The following EPHA6 variants were observed in gnomAD, a reference collection of about 807,000 sequenced individuals.
The protein encoded by EPHA6 is ephrin type-A receptor 6.
In EPHA6, 50 loss-of-function variants were observed where a neutral mutation model predicts 112.0. The ratio of observed to expected loss-of-function variants is 0.45; its 90% CI spans 0.36 to 0.56. The LOEUF is 0.56. Ranked by LOEUF, EPHA6 falls within the 20% of genes least tolerant of loss-of-function variation. The probability of loss-of-function intolerance (pLI) is 0.00; values close to 1 mark genes in which losing one functional copy is unlikely to be tolerated. For synonymous variants in EPHA6, 529 were observed against 490.7 expected (o/e 1.08, Z -1.03); for missense variants, 1,280 against 1,417.4 (o/e 0.90, Z 1.56).
At chr3:96,972,231 A>G (rs907423723) in intron 2 of EPHA6, among the ~76,000 whole-genome samples, 8 of 152,106 alleles carry the variant, frequency 5.3e-5, no homozygotes, top group African/African-American at 1.9e-4. Context: ...AAGAAAAACA[A>G]TAAAGAAAAA....
chr3:97,524,790 C>T (rs1337926397), intron 10 of EPHA6, among the ~76,000 whole-genome samples: 1 of 152,080 alleles, frequency 6.6e-6, no homozygotes, highest in Non-Finnish European at 1.5e-5. Flanking sequence ...TTCAATATGT[C>T]ATGCCACTCC....
chr3:97,524,510 A>G (rs934229763), intron 10 of EPHA6, among the ~76,000 whole-genome samples: 3 of 152,080 alleles, frequency 2.0e-5, no homozygotes, highest in African/African-American at 7.2e-5. Context: ...AGTGATTTAC[A>G]TAACCCCTTT....
chr3:97,029,402 G>A (rs2044749601), intron 3 of EPHA6, among the ~76,000 whole-genome samples: 1 of 151,722 alleles, frequency 6.6e-6, no homozygotes, highest in Non-Finnish European at 1.5e-5. Context: ...GAAGATAAAT[G>A]AGGAAAAGGC....
intron 15 of EPHA6, among the ~76,000 whole-genome samples, chr3:97,722,704 A>G (rs1213696942): frequency 2.0e-5 from 3 of 152,130 alleles, no homozygotes; most frequent in African/African-American, 7.2e-5. Flanking sequence ...GCAAGAGAAG[A>G]GGATAAGAGA....
intron 3 of EPHA6, among the ~76,000 whole-genome samples, chr3:97,088,149 C>A (rs1296214819): frequency 6.6e-6 from 1 of 151,988 alleles, no homozygotes. Context: ...CCACTACACT[C>A]CAGCCTGGTG....
At chr3:96,966,426 G>A (rs2042123051) in intron 2 of EPHA6, among the ~76,000 whole-genome samples, 1 of 151,940 alleles carries the variant, frequency 6.6e-6, no homozygotes, top group South Asian at 2.1e-4. Context: ...GCCAAGAGAC[G>A]ATGACTTAAT....
intron 12 of EPHA6, among the ~76,000 whole-genome samples, chr3:97,604,679 C>G (rs2093667719): frequency 6.6e-6 from 1 of 151,586 alleles, no homozygotes; most frequent in Non-Finnish European, 1.5e-5. Context: ...ATATTATTCT[C>G]ATTTTATAGA....
At chr3:97,283,522 A>C (rs1490960346) in intron 5 of EPHA6, among the ~76,000 whole-genome samples, 1 of 152,152 alleles carries the variant, frequency 6.6e-6, no homozygotes, top group Non-Finnish European at 1.5e-5. Context: ...TTATAATATT[A>C]AATGAAATGG....
At chr3:96,895,207 T>C (rs2038200783) in intron 2 of EPHA6, among the ~76,000 whole-genome samples, 1 of 152,170 alleles carries the variant, frequency 6.6e-6, no homozygotes, top group Admixed American at 6.5e-5. Flanking sequence ...GACAGTGATA[T>C]TGATGATCTT....
At chr3:97,731,440 C>A (rs1358182847) in intron 15 of EPHA6, among the ~76,000 whole-genome samples, 2 of 152,012 alleles carry the variant, frequency 1.3e-5, no homozygotes, top group Non-Finnish European at 2.9e-5. Flanking sequence ...ACAGTGAAAG[C>A]ACGGAGTATA....
intron 14 of EPHA6, among the ~76,000 whole-genome samples, chr3:97,693,339 A>G (rs142012166): frequency 6.6e-5 from 10 of 152,368 alleles, no homozygotes; most frequent in Admixed American, 4.6e-4. Flanking sequence ...ATATTTAAAT[A>G]AAACAGTTTT....
At chr3:97,483,563 T>C (rs2091616148) in intron 9 of EPHA6, among the ~76,000 whole-genome samples, 1 of 152,190 alleles carries the variant, frequency 6.6e-6, no homozygotes, top group Non-Finnish European at 1.5e-5. Flanking sequence ...CTAGTGGGCT[T>C]CCTTGCTTTG....
At chr3:97,746,266 A>T (rs992454774) in intron 16 of EPHA6, among the ~76,000 whole-genome samples, 9 of 151,682 alleles carry the variant, frequency 5.9e-5, no homozygotes, top group Admixed American at 1.3e-4. Flanking sequence ...CAAACACTAA[A>T]TTTTTTTTAA....
chr3:97,734,946 CAG>C (rs1276336081), intron 15 of EPHA6, among the ~76,000 whole-genome samples: 1 of 151,918 alleles, frequency 6.6e-6, no homozygotes, highest in Non-Finnish European at 1.5e-5. Flanking sequence ...ATACACTAAA[CAG>C]ATGAATTTCC....
At chr3:96,902,853 A>T (rs986078041) in intron 2 of EPHA6, among the ~76,000 whole-genome samples, 1 of 152,204 alleles carries the variant, frequency 6.6e-6, no homozygotes, top group Non-Finnish European at 1.5e-5. Context: ...TAATTTATTC[A>T]ACAAGCATAT....
chr3:97,207,844 C>T (rs1441056282), intron 3 of EPHA6, among the ~76,000 whole-genome samples: 11 of 152,110 alleles, frequency 7.2e-5, no homozygotes, highest in Non-Finnish European at 1.5e-5. Context: ...AGAGCTCCTG[C>T]TTGCCATGAA....
At chr3:97,065,563 C>G (rs2108137479) in intron 3 of EPHA6, among the ~76,000 whole-genome samples, 1 of 152,122 alleles carries the variant, frequency 6.6e-6, no homozygotes, top group South Asian at 2.1e-4. Flanking sequence ...AAAAAGTGAA[C>G]TGAAAACTTG....
At chr3:96,956,975 G>A (rs928466351) in intron 2 of EPHA6, among the ~76,000 whole-genome samples, 9 of 150,988 alleles carry the variant, frequency 6.0e-5, no homozygotes, top group African/African-American at 2.0e-4. Context: ...AGAGGTTGCA[G>A]TGAGCCAAGA....
intron 1 of EPHA6, among the ~76,000 whole-genome samples, chr3:96,831,516 C>A (rs1023743992): frequency 2.7e-5 from 4 of 150,904 alleles, no homozygotes; most frequent in East Asian, 2.0e-4. Flanking sequence ...TGTGATTGTT[C>A]ATTTTTTTTT....
Sources: allele counts gnomAD v4.1 joint callset (sites outside exome capture counted in the v4.1 genomes callset), GRCh38; gene constraint gnomAD v4.1.1; transcripts MANE v1.5; gene names NCBI Gene and HGNC (gene_info 2026-07-23, HGNC 2026-07-21).